Variants in HACL2 observed in about 807,000 individuals in gnomAD.
HACL2 encodes 2-hydroxyacyl-CoA lyase 1 like.
the HACL2 span, among the ~76,000 whole-genome samples, chr19:15,121,139 T>G: frequency 3.9e-5 from 6 of 151,974 alleles, no homozygotes; most frequent in African/African-American, 1.4e-4. Context: ...TGCACCTGTA[T>G]TCCCAGCTAC....
chr19:15,123,382 G>A, the HACL2 span: 1,861 of 1,613,454 alleles, frequency 1.2e-3, 3 homozygotes, highest in Non-Finnish European at 1.3e-3. This position sits in a 1 kb window ranked among gnomAD's most constrained non-coding sequence, Gnocchi z 5.1. Flanking sequence ...CACCGGACAG[G>A]CGGGCCATAG....
At chr19:15,117,961 T>A in the HACL2 span, 1 of 1,614,190 alleles carries the variant, frequency 6.2e-7, no homozygotes, top group Admixed American at 1.7e-5. Flanking sequence ...GATGATGATC[T>A]TGCTGCTGTG....
the HACL2 span, chr19:15,123,228 G>A: frequency 1.2e-5 from 19 of 1,613,484 alleles, no homozygotes; most frequent in Middle Eastern, 1.6e-4. The surrounding 1 kb of genome is among the most constrained non-coding windows in gnomAD (Gnocchi z 5.1). Context: ...TGTCACTGCC[G>A]CCACGCCCAC....
At chr19:15,125,212 C>T in the HACL2 span, 3 of 818,852 alleles carry the variant, frequency 3.7e-6, no homozygotes, top group Non-Finnish European at 5.7e-6. Flanking sequence ...CCTGCCAGAC[C>T]ACGCCCTTTG....
chr19:15,119,230 G>A, the HACL2 span: 3 of 1,609,274 alleles, frequency 1.9e-6, no homozygotes, highest in South Asian at 1.1e-5. Flanking sequence ...TGTGGAGGGG[G>A]TGGTTGCGGC....
chr19:15,123,540 C>T, the HACL2 span: 3,061 of 1,614,008 alleles, frequency 1.9e-3, 13 homozygotes, highest in Non-Finnish European at 1.8e-3. This position sits in a 1 kb window ranked among gnomAD's most constrained non-coding sequence, Gnocchi z 5.1. Context: ...ACAGCGGCCA[C>T]GTTCTCTCCG....
chr19:15,124,575 C>A, the HACL2 span: 1 of 303,518 alleles, frequency 3.3e-6, no homozygotes, highest in African/African-American at 2.2e-5. Flanking sequence ...ACTGTCACTG[C>A]CACCCCCTCG....
At chr19:15,116,399 A>G in the HACL2 span, 4 of 1,613,848 alleles carry the variant, frequency 2.5e-6, no homozygotes, top group Admixed American at 6.7e-5. Context: ...CACTCCACCC[A>G]GGCCCCACCG....
the HACL2 span, among the ~76,000 whole-genome samples, chr19:15,118,518 A>C: frequency 6.6e-6 from 1 of 152,086 alleles, no homozygotes; most frequent in Non-Finnish European, 1.5e-5. Context: ...CCTAGTCCAC[A>C]GCCCCTCCAA....
chr19:15,123,299 C>G, the HACL2 span: 7 of 1,606,210 alleles, frequency 4.4e-6, no homozygotes, highest in Admixed American at 6.7e-5. This position sits in a 1 kb window ranked among gnomAD's most constrained non-coding sequence, Gnocchi z 5.1. Context: ...TCTTCCACCT[C>G]TGAAAAACCC....
At chr19:15,119,341 G>A in the HACL2 span, 1 of 1,604,958 alleles carries the variant, frequency 6.2e-7, no homozygotes, top group Non-Finnish European at 8.5e-7. Flanking sequence ...TGTGGCCGGG[G>A]CCTCCCGCCT....
chr19:15,115,713 ATGGCT>A, the HACL2 span: 1 of 1,592,844 alleles, frequency 6.3e-7, no homozygotes, highest in Non-Finnish European at 8.6e-7. Context: ...CTTCAGCCCC[ATGGCT>A]TGGCCAGCCA....
chr19:15,115,398 G>C, the HACL2 span: 1 of 1,613,866 alleles, frequency 6.2e-7, no homozygotes, highest in Non-Finnish European at 8.5e-7. Context: ...AGCAAGCCCC[G>C]GGCCCCCAGA....
chr19:15,121,840 C>T, the HACL2 span, among the ~76,000 whole-genome samples: 1 of 146,808 alleles, frequency 6.8e-6, no homozygotes, highest in Non-Finnish European at 1.5e-5. Context: ...AAGAAAAGGA[C>T]AAAGATGTGA....
the HACL2 span, chr19:15,123,311 T>A: frequency 6.2e-7 from 1 of 1,604,746 alleles, no homozygotes; most frequent in Non-Finnish European, 8.5e-7. This position sits in a 1 kb window ranked among gnomAD's most constrained non-coding sequence, Gnocchi z 5.1. Context: ...GAAAAACCCC[T>A]ACCCTCACAG....
chr19:15,116,101 A>C, the HACL2 span: 7 of 1,613,348 alleles, frequency 4.3e-6, no homozygotes, highest in Non-Finnish European at 5.9e-6. Context: ...GTGGGTGTGA[A>C]GGCGTCCTGA....
the HACL2 span, chr19:15,116,137 G>T: frequency 6.2e-7 from 1 of 1,613,290 alleles, no homozygotes. Flanking sequence ...GCCCCAGGCG[G>T]GGGCCCTTCC....
the HACL2 span, chr19:15,115,172 G>A: frequency 3.2e-6 from 5 of 1,540,956 alleles, no homozygotes; most frequent in South Asian, 3.4e-5. Context: ...TAGGCCCAGG[G>A]CAAGCAATGA....
chr19:15,123,344 C>G, the HACL2 span: 1 of 1,608,166 alleles, frequency 6.2e-7, no homozygotes, highest in Non-Finnish European at 8.5e-7. The surrounding 1 kb of genome is among the most constrained non-coding windows in gnomAD (Gnocchi z 5.1). Context: ...ACAGTCCAAC[C>G]AGTCCCCAGC....
Sources: allele counts gnomAD v4.1 joint callset (sites outside exome capture counted in the v4.1 genomes callset), GRCh38; gene constraint gnomAD v4.1.1; non-coding constraint Gnocchi (gnomAD v3.1); transcripts MANE v1.5; gene names NCBI Gene and HGNC (gene_info 2026-07-23, HGNC 2026-07-21).